The following CTNND1 variants were observed in gnomAD, a reference collection of about 807,000 sequenced individuals.
CTNND1 encodes catenin delta 1.
CTNND1 carries 16 observed loss-of-function variants against 112.1 expected under a neutral mutation model. That is an observed-to-expected ratio of 0.14 (90% CI 0.10 to 0.22). The LOEUF (loss-of-function observed/expected upper bound fraction) is 0.22, where lower values mean the gene tolerates loss of function less well. CTNND1 is among the 10% of genes least tolerant of loss of function. The probability of loss-of-function intolerance (pLI) is 1.00; values close to 1 mark genes in which losing one functional copy is unlikely to be tolerated. For missense variants in CTNND1, 1,008 were observed against 1,257.0 expected, an observed-to-expected ratio of 0.80 and a Z score of 3.00; for synonymous variants, 420 against 446.5, an observed-to-expected ratio of 0.94 and a Z score of 0.75.
chr11:57,806,823 G>T, intron 11 of CTNND1, 92 bp from the exon 12 acceptor site: 1 of 1,114,480 alleles, frequency 9.0e-7, no homozygotes, highest in Non-Finnish European at 1.3e-6. Context: ...GTGATCAAAA[G>T]GTTCTGACTG....
chr11:57,786,480 C>T (rs2060150516), intron 1 of CTNND1, among the ~76,000 whole-genome samples: 1 of 152,086 alleles, frequency 6.6e-6, no homozygotes, highest in Non-Finnish European at 1.5e-5. Flanking sequence ...TTGCAGTGAG[C>T]TGAGATTGCA....
intron 4 of CTNND1, among the ~76,000 whole-genome samples, chr11:57,794,743 C>T (rs945363808): frequency 6.6e-6 from 1 of 150,992 alleles, no homozygotes; most frequent in Non-Finnish European, 1.5e-5. Context: ...TGAGATCATG[C>T]CATTGTACTC....
intron 1 of CTNND1, among the ~76,000 whole-genome samples, chr11:57,778,674 C>A (rs747897817): frequency 6.6e-6 from 1 of 152,172 alleles, no homozygotes; most frequent in Non-Finnish European, 1.5e-5. Context: ...AGACAGGATG[C>A]CCTGGAATGC....
chr11:57,776,519 A>G (rs1231587389), intron 1 of CTNND1, among the ~76,000 whole-genome samples: 1 of 152,114 alleles, frequency 6.6e-6, no homozygotes, highest in Non-Finnish European at 1.5e-5. Context: ...TTGGAGAAAG[A>G]GGGGTGTGGG....
At position 57,789,039 on chromosome 11, in the gene CTNND1, C is replaced by A. The variant is rs1001309953; in HGVS notation, c.-211C>A. 1 of 1,534,362 alleles carries A rather than the reference C, an allele frequency of 6.5e-7. No homozygotes were observed. The highest frequency in any genetic ancestry group is 1.4e-5 in the African/African-American group (1 of 72,984). On this transcript the variant is annotated splice_region_variant and 5_prime_UTR_variant, in exon 2 of 21. Transcript: ENST00000399050. Reference sequence around the variant, plus strand: ...TTTTCCTTCAAATATTTCTGCAGCTCTCTCCTTCCTGCTTCCTCCTTGCTG... The same window carrying A: ...TTTTCCTTCAAATATTTCTGCAGCTATCTCCTTCCTGCTTCCTCCTTGCTG...
chr11:57,797,334 G>T (rs1246228687), intron 6 of CTNND1, among the ~76,000 whole-genome samples: 1 of 148,892 alleles, frequency 6.7e-6, no homozygotes, highest in Non-Finnish European at 1.5e-5. Flanking sequence ...GGGTTCAAGT[G>T]ATTCTCATGC....
chr11:57,782,685 G>C (rs2059703450), intron 1 of CTNND1, among the ~76,000 whole-genome samples: 1 of 152,118 alleles, frequency 6.6e-6, no homozygotes, highest in African/African-American at 2.4e-5. Context: ...TAAATCTTTA[G>C]GCCAAACTTA....
intron 1 of CTNND1, among the ~76,000 whole-genome samples, chr11:57,783,961 G>A (rs1198467845): frequency 6.6e-6 from 1 of 151,882 alleles, no homozygotes; most frequent in Non-Finnish European, 1.5e-5. Flanking sequence ...GTCTTACTCT[G>A]TCGCCCAGGT....
rs577562085 is a variant in CTNND1 at position 57,767,994 on chromosome 11, C to T, written c.-214+5875C>T. The stretch of plus-strand genomic sequence containing the variant: ...GACTACAGGTGCCCGCCACCACGCC[C>T]GGCTGATTTTTGTATTTTTAGTAGA... On this transcript the variant is annotated intron_variant, in intron 1 of 20. Coordinates refer to ENST00000399050, the MANE Select transcript of CTNND1 (RefSeq NM_001085458.2). 1.7e-4 allele frequency among the ~76,000 whole-genome samples: 26 copies of T among 150,920 alleles called. No homozygotes were observed. In the South Asian group the frequency reaches 3.6e-3, roughly 21 times the overall value.
At chr11:57,770,099 G>A (rs543270258) in intron 1 of CTNND1, among the ~76,000 whole-genome samples, 1 of 151,960 alleles carries the variant, frequency 6.6e-6, no homozygotes, top group East Asian at 1.9e-4. Flanking sequence ...GAGGCCGAAG[G>A]CAGGTGGTTC....
intron 1 of CTNND1, among the ~76,000 whole-genome samples, chr11:57,768,416 C>T (rs1229870713): frequency 7.2e-5 from 7 of 97,212 alleles, no homozygotes; most frequent in Admixed American, 1.6e-4. Context: ...TTTTTTTAGA[C>T]AGAGTCTTGC....
chr11:57,771,362 A>T (rs569854183), intron 1 of CTNND1, among the ~76,000 whole-genome samples: 2 of 152,188 alleles, frequency 1.3e-5, no homozygotes, highest in Non-Finnish European at 2.9e-5. Flanking sequence ...ATTGAGAAAA[A>T]AGTAAAGTAG....
At chr11:57,787,061 G>C (rs2060216977) in intron 1 of CTNND1, among the ~76,000 whole-genome samples, 1 of 152,194 alleles carries the variant, frequency 6.6e-6, no homozygotes, top group African/African-American at 2.4e-5. Context: ...TCACCCATGA[G>C]TCTTATTTGC....
intron 1 of CTNND1, among the ~76,000 whole-genome samples, chr11:57,762,344 T>C (rs1950041058): frequency 6.6e-6 from 1 of 152,174 alleles, no homozygotes; most frequent in South Asian, 2.1e-4. Flanking sequence ...AAAATTTACA[T>C]TTTGGTGTGT....
In CTNND1 at chr11:57,791,630, C is replaced by A; in HGVS notation, c.152C>A (p.Ala51Asp). ...LERVRVSPQD[A>D]NPLMANGTLT... is the part of the protein sequence containing the mutation. ...CGCGTCCGGGTCTCACCACAAGATG[C>A]CAACCCACTCATGGCCAACGGCACA... Residue 51 changes from alanine (A) to aspartate (D), a missense_variant, in exon 3 of 21, where the codon GCC (alanine) becomes GAC (aspartate). Physicochemically the swap from Ala to Asp is moderately radical, Grantham distance 126. Around this residue, in one of 5 missense-constraint regions of CTNND1, gnomAD observed 404 missense variants for 457.9 expected, o/e 0.88. Coordinates refer to ENST00000399050, the MANE Select transcript of CTNND1 (RefSeq NM_001085458.2). The A allele has an allele frequency of 6.3e-7, 1 of 1,597,966 alleles. No individual in the cohort carries two copies. The highest frequency in any genetic ancestry group is 8.5e-7 in the Non-Finnish European group (1 of 1,170,794).
Position 57,795,653 on chromosome 11 carries a change from A to T in CTNND1, c.344A>T (p.Glu115Val). The T allele has an allele frequency of 6.2e-7, 1 of 1,609,474 alleles. No individual in the cohort carries two copies. Among genetic ancestry groups the T allele is most frequent in the Non-Finnish European group, 8.5e-7 (1 of 1,177,960 alleles). ...PGQIVETYTE[E>V]DPEGAMSVVS... The stretch of plus-strand genomic sequence containing the variant: ...CAGATTGTGGAGACCTACACGGAGG[A>T]GGATCCTGAGGGAGCCATGTCTGTA... The change falls in exon 5 of 21, where the codon GAG becomes GTG. Residue 115 changes from glutamate to valine, a missense_variant. By Grantham distance (121) the Glu-to-Val change is moderately radical. Transcript: ENST00000399050.
chr11:57,767,000 C>T, intron 1 of CTNND1, among the ~76,000 whole-genome samples: 1 of 148,254 alleles, frequency 6.7e-6, no homozygotes, highest in Non-Finnish European at 1.5e-5. Context: ...GAGATGGAGT[C>T]TTGCTCTGTT....
At chr11:57,805,489 C>T (rs570284396) in intron 9 of CTNND1, among the ~76,000 whole-genome samples, 8 of 151,306 alleles carry the variant, frequency 5.3e-5, no homozygotes, top group South Asian at 2.1e-4. Context: ...GTGATCCACC[C>T]GCCTCGGCCT....
Position 57,801,631 on chromosome 11 carries a change from A to G in CTNND1, c.957-102A>G, listed in dbSNP as rs1018710332. On this transcript the variant is annotated intron_variant, in intron 6 of 20. Coordinates refer to ENST00000399050, the MANE Select transcript of CTNND1 (RefSeq NM_001085458.2). ...AGGAGAGATAAGATGAGCACACTGA[A>G]ACTCCAGTTAATCCTCCTTTGCAGA... is the stretch of plus-strand genomic sequence containing the variant. The G allele has an allele frequency of 8.8e-6, 8 of 910,074 alleles. No homozygotes were observed. The African/African-American group carries it at 1.2e-4, about 13-fold the overall frequency. The allele number at this position is 910,074 out of a possible 1,614,324, so 56.4% of individuals were successfully genotyped here.
Sources: gnomAD v4.1 joint callset for allele counts (sites outside exome capture counted in the v4.1 genomes callset) on GRCh38, gnomAD v4.1.1 for gene constraint, gnomAD v4.1.1 regional missense constraint, MANE v1.5 for transcripts, NCBI Gene and HGNC (gene_info 2026-07-23, HGNC 2026-07-21) for gene names.